The following RNF212B variants were observed in gnomAD, a reference collection of about 807,000 sequenced individuals.
RNF212B encodes E3 ubiquitin-protein ligase RNF212B.
In RNF212B, 52 loss-of-function variants were observed where a neutral mutation model predicts 55.5. That is an observed-to-expected ratio of 0.94 (90% confidence interval 0.75 to 1.18). The LOEUF (loss-of-function observed/expected upper bound fraction) is 1.18. Ranked by LOEUF, RNF212B falls within the 50% of genes most tolerant of loss-of-function variation. The pLI, the probability that RNF212B is intolerant of heterozygous loss-of-function variation, is 0.00. For missense variants in RNF212B, 289 were observed against 350.4 expected (o/e 0.82, Z 1.40); for synonymous variants, 99 against 121.4 (o/e 0.82, Z 1.21).
intron 4 of RNF212B, among the ~76,000 whole-genome samples, chr14:23,254,372 C>T (rs564228647): frequency 7.3e-4 from 111 of 152,082 alleles, no homozygotes; most frequent in Non-Finnish European, 1.4e-3. Context: ...TGGTGGCTCA[C>T]TCCTATAATC....
intron 2 of RNF212B, among the ~76,000 whole-genome samples, chr14:23,206,370 G>A (rs779653671): frequency 6.6e-6 from 1 of 152,180 alleles, no homozygotes; most frequent in African/African-American, 2.4e-5. Context: ...ACCGTGCCCG[G>A]CCTAGTCTTT....
intron 2 of RNF212B, among the ~76,000 whole-genome samples, chr14:23,210,574 G>A (rs1880392886): frequency 6.6e-6 from 1 of 152,112 alleles, no homozygotes; most frequent in South Asian, 2.1e-4. Flanking sequence ...TCAGGAGTTT[G>A]AGACCAGTCT....
chr14:23,195,135 C>G (rs1434651025), intron 2 of RNF212B, among the ~76,000 whole-genome samples: 1 of 151,748 alleles, frequency 6.6e-6, no homozygotes, highest in African/African-American at 2.4e-5. Context: ...AATGAAAGTA[C>G]TGCATATAGG....
Position 23,214,067 on chromosome 14 carries a change from G to T in RNF212B, c.-2+20666G>T, listed in dbSNP as rs925260334. Among the ~76,000 whole-genome samples, 11 of 152,310 alleles carry T rather than the reference G, an allele frequency of 7.2e-5. No individual in the cohort carries two copies. The East Asian group carries it at 2.1e-3, about 29-fold the overall frequency. ...GAGCCCAGGAGTTCGAGGTTGTAGT[G>T]TGCTGTAATGTAATCCATAGGCAAC... On this transcript the variant is annotated intron_variant, in intron 2 of 15. Transcript: ENST00000399910.
chr14:23,228,246 T>G (rs1336870406), intron 2 of RNF212B, among the ~76,000 whole-genome samples: 1 of 149,730 alleles, frequency 6.7e-6, no homozygotes, highest in Non-Finnish European at 1.5e-5. Context: ...AAAAAACTCA[T>G]CAGGCTCTTT....
chr14:23,248,834 TTGCATTGGGAG>T (rs745829525), intron 4 of RNF212B, among the ~76,000 whole-genome samples: 23 of 152,208 alleles, frequency 1.5e-4, no homozygotes, highest in Non-Finnish European at 2.8e-4. Flanking sequence ...CTTAATACTA[TTGCATTGGGAG>T]TTGAGTGTCA....
intron 2 of RNF212B, among the ~76,000 whole-genome samples, chr14:23,230,722 A>G (rs1882548380): frequency 6.8e-6 from 1 of 146,950 alleles, no homozygotes; most frequent in Non-Finnish European, 1.5e-5. Context: ...TTTCCCCTAT[A>G]TTTTCTTCTA....
chr14:23,236,963 T>C (rs79162506), upstream of RNF212B, among the ~76,000 whole-genome samples: 22 of 144,618 alleles, frequency 1.5e-4, no homozygotes, highest in East Asian at 4.0e-4. Flanking sequence ...GTCTCTCTCT[T>C]TTTTTTTTTT....
chr14:23,246,901 A>G (rs2140446725), intron 4 of RNF212B, among the ~76,000 whole-genome samples: 1 of 152,178 alleles, frequency 6.6e-6, no homozygotes, highest in South Asian at 2.1e-4. Flanking sequence ...AGCACTTTTG[A>G]AGGCCACGGT....
chr14:23,228,094 G>GT (rs1882200745), intron 2 of RNF212B, among the ~76,000 whole-genome samples: 4 of 151,992 alleles, frequency 2.6e-5, no homozygotes, highest in African/African-American at 9.6e-5. Flanking sequence ...GCCAGGCGTG[G>GT]TGGCACATGC....
At position 23,268,853 on chromosome 14, in the gene RNF212B, G is replaced by A. The variant is rs893872987; in HGVS notation, c.635-71G>A. On this transcript the variant is annotated intron_variant, in intron 11 of 14. Transcript: ENST00000430154. ...CTTTTATCTCCATTTCCTTTGCCCTGGCCCCAAGTATACCTGAATCTCTTC... is the reference window on the plus strand; with the variant it reads ...CTTTTATCTCCATTTCCTTTGCCCTAGCCCCAAGTATACCTGAATCTCTTC... 1.2e-5 allele frequency: 15 copies of A among 1,290,826 alleles called. No individual in the cohort carries two copies. The African/African-American group carries it at 1.9e-4, about 16-fold the overall frequency. 80.0% of individuals were successfully genotyped at this position (1,290,826 alleles called of 1,614,324 possible).
chr14:23,263,850 G>A (rs552927533), intron 9 of RNF212B, among the ~76,000 whole-genome samples: 24 of 152,324 alleles, frequency 1.6e-4, no homozygotes, highest in Non-Finnish European at 1.2e-4. Context: ...CACTTTGGGA[G>A]GCTGAGGCGA....
chr14:23,217,589 G>A (rs1881211571), intron 2 of RNF212B, among the ~76,000 whole-genome samples: 1 of 152,114 alleles, frequency 6.6e-6, no homozygotes, highest in Admixed American at 6.5e-5. Flanking sequence ...TCCATTTTGG[G>A]GTGGGGGAGA....
At chr14:23,268,866 C>T in intron 11 of RNF212B, 58 bp from the exon 12 acceptor site, 1 of 1,423,088 alleles carries the variant, frequency 7.0e-7, no homozygotes, top group Non-Finnish European at 9.7e-7. Flanking sequence ...CCCAAGTATA[C>T]CTGAATCTCT....
chr14:23,246,546 A>G (rs986948318), intron 4 of RNF212B, among the ~76,000 whole-genome samples: 1 of 152,136 alleles, frequency 6.6e-6, no homozygotes, highest in Non-Finnish European at 1.5e-5. Context: ...TAAAGATCCA[A>G]TGAGACAATG....
chr14:23,194,711 G>A (rs1349017129), intron 2 of RNF212B, among the ~76,000 whole-genome samples: 4 of 136,482 alleles, frequency 2.9e-5, no homozygotes, highest in Non-Finnish European at 6.1e-5. Context: ...CTCCAGCTTG[G>A]GCTACAGAGT....
upstream of RNF212B, among the ~76,000 whole-genome samples, chr14:23,235,454 C>A (rs1439131683): frequency 6.6e-6 from 1 of 152,148 alleles, no homozygotes; most frequent in East Asian, 1.9e-4. Context: ...GAAAGAACAT[C>A]TAACATACAA....
At chr14:23,223,467 TGCCTCA>T (rs1881741791) in intron 2 of RNF212B, among the ~76,000 whole-genome samples, 1 of 152,112 alleles carries the variant, frequency 6.6e-6, no homozygotes, top group Non-Finnish European at 1.5e-5. Context: ...GCCATTCTTC[TGCCTCA>T]GCCTCCCGAG....
intron 2 of RNF212B, among the ~76,000 whole-genome samples, chr14:23,211,975 T>G (rs377572896): frequency 6.6e-6 from 1 of 152,088 alleles, no homozygotes; most frequent in East Asian, 1.9e-4. Flanking sequence ...TTATCTGCCC[T>G]CCTCAGCCTC....
Sources: allele counts gnomAD v4.1 joint callset (sites outside exome capture counted in the v4.1 genomes callset), GRCh38; gene constraint gnomAD v4.1.1; transcripts MANE v1.5; gene names NCBI Gene and HGNC (gene_info 2026-07-23, HGNC 2026-07-21).